The following RASSF4 variants were observed in gnomAD, a reference collection of about 807,000 sequenced individuals.
The protein encoded by RASSF4 is ras association domain-containing protein 4.
A neutral mutation model predicts 41.1 loss-of-function variants in RASSF4; 38 were observed. That is an observed-to-expected ratio of 0.92 (90% CI 0.71 to 1.21). RASSF4 has a LOEUF of 1.21. Ranked by LOEUF, RASSF4 falls within the 50% of genes most tolerant of loss-of-function variation. The pLI is 0.00. For synonymous variants in RASSF4, 179 were observed against 163.4 expected (o/e 1.10, Z -0.73); for missense variants, 414 against 419.4 (o/e 0.99, Z 0.11).
chr10:44,985,685 G>A (rs1388156648), intron 6 of RASSF4, among the ~76,000 whole-genome samples: 1 of 152,152 alleles, frequency 6.6e-6, no homozygotes, highest in African/African-American at 2.4e-5. Flanking sequence ...AGGGTCTCAG[G>A]GTCCGATCTG....
chr10:44,982,238 C>G (rs543059564), intron 3 of RASSF4: 68 of 475,852 alleles, frequency 1.4e-4, no homozygotes, highest in African/African-American at 1.2e-3. Context: ...GTGGACGTGC[C>G]TGCCGGCCAG....
chr10:44,988,991 C>A (rs1386368154), intron 6 of RASSF4, among the ~76,000 whole-genome samples: 1 of 152,198 alleles, frequency 6.6e-6, no homozygotes, highest in Non-Finnish European at 1.5e-5. Context: ...GATTCCCCCA[C>A]CCTTGTGAAT....
intron 6 of RASSF4, among the ~76,000 whole-genome samples, chr10:44,985,406 CT>C (rs1841887908): frequency 6.6e-6 from 1 of 152,236 alleles, no homozygotes; most frequent in South Asian, 2.1e-4. Context: ...AGCACACAGC[CT>C]TTTGTCCAAG....
chr10:44,989,522 G>A (rs1258534605), intron 7 of RASSF4, 147 bp downstream of exon 7: 23 of 967,888 alleles, frequency 2.4e-5, no homozygotes, highest in East Asian at 2.0e-4. Context: ...TTGGTTTCTC[G>A]GATTTCAAGC....
chr10:44,969,474 G>A (rs1029280770), intron 1 of RASSF4, among the ~76,000 whole-genome samples: 3 of 152,160 alleles, frequency 2.0e-5, no homozygotes, highest in African/African-American at 2.4e-5. Context: ...GTCACTGCCC[G>A]TGATCAATAT....
intron 6 of RASSF4, among the ~76,000 whole-genome samples, chr10:44,987,036 T>C (rs1221462293): frequency 6.6e-6 from 1 of 152,242 alleles, no homozygotes; most frequent in Admixed American, 6.5e-5. Flanking sequence ...AAAGGCTTCG[T>C]GCAGAAGAAA....
chr10:44,980,475 GCACA>G (rs1841661955), intron 3 of RASSF4, among the ~76,000 whole-genome samples: 1 of 152,164 alleles, frequency 6.6e-6, no homozygotes, highest in African/African-American at 2.4e-5. Flanking sequence ...TATGCTGGGG[GCACA>G]CACATCACCT....
At chr10:44,965,881 T>C (rs1840883971) in intron 1 of RASSF4, among the ~76,000 whole-genome samples, 1 of 152,184 alleles carries the variant, frequency 6.6e-6, no homozygotes, top group Non-Finnish European at 1.5e-5. Context: ...GCTGGTGCCA[T>C]TCAGTCATGG....
At chr10:44,984,992 T>TC (rs758885351) in intron 6 of RASSF4, 22 bp downstream of exon 6, 33 of 1,598,728 alleles carry the variant, frequency 2.1e-5, no homozygotes, top group Non-Finnish European at 2.6e-5. Context: ...GCCTGGCCTC[T>TC]CCCCTGGGCG....
At chr10:44,977,272 G>C in intron 3 of RASSF4, 1 of 1,322,104 alleles carries the variant, frequency 7.6e-7, no homozygotes, top group Non-Finnish European at 1.0e-6. Context: ...CCCAAGCAGG[G>C]GCCTCTGCAG....
chr10:44,982,974 C>A lies in RASSF4; in HGVS notation c.281+311C>A, dbSNP rs1011219231. On this transcript the variant is annotated intron_variant, in intron 4 of 10. Coordinates refer to ENST00000340258, the MANE Select transcript of RASSF4 (RefSeq NM_032023.4). ...GCTCCCAACACCTATGCAAGCCGAA[C>A]ATGTCTCGCCATCTCTTGTTCTATC... 4.7e-6 allele frequency: 3 copies of A among 632,414 alleles called. No individual in the cohort carries two copies. The African/African-American group carries it at 5.4e-5, about 11-fold the overall frequency. The allele number at this position is 632,414 out of a possible 1,614,324, so 39.2% of individuals were successfully genotyped here.
chr10:44,974,565 C>G (rs564792262), intron 3 of RASSF4, among the ~76,000 whole-genome samples: 19 of 152,316 alleles, frequency 1.2e-4, no homozygotes, highest in African/African-American at 4.3e-4. Context: ...CTAAGGGGCT[C>G]TCAGGCTGGC....
chr10:44,977,777 A>C, intron 3 of RASSF4: 1 of 1,601,102 alleles, frequency 6.2e-7, no homozygotes, highest in Non-Finnish European at 8.5e-7. Flanking sequence ...ACGTGCGGTG[A>C]TGTCTCGCAG....
chr10:44,970,843 G>T (rs1438978617), intron 2 of RASSF4: 2 of 155,162 alleles, frequency 1.3e-5, no homozygotes, highest in African/African-American at 4.8e-5. Context: ...GAAAGCAGGA[G>T]CAAGAGAGAG....
At chr10:44,969,207 T>TG (rs1230338826) in intron 1 of RASSF4, among the ~76,000 whole-genome samples, 4 of 151,402 alleles carry the variant, frequency 2.6e-5, no homozygotes, top group Admixed American at 6.6e-5. Context: ...CACATTGACA[T>TG]GGGGGAGAGA....
At position 44,993,517 on chromosome 10, in the gene RASSF4, C is replaced by G; in HGVS notation, c.*188C>G. 1.7e-6 allele frequency: 1 copy of G among 601,200 alleles called. No individual in the cohort carries two copies. The highest frequency in any genetic ancestry group is 1.9e-5 in the South Asian group (1 of 51,850). The allele number at this position is 601,200 out of a possible 1,614,324, so 37.2% of individuals were successfully genotyped here. A position where few individuals can be genotyped will look rare whatever the true frequency, so the allele number is the denominator to read the frequency against. On this transcript the variant is annotated 3_prime_UTR_variant, in exon 11 of 11. Coordinates refer to ENST00000340258, the MANE Select transcript of RASSF4 (RefSeq NM_032023.4). Reference sequence around the variant, plus strand: ...CAGCTCTTGGCTCCAAGATGAGCACCCACAGGAAGCCGACCCAGGCCTGAG... The same window carrying G: ...CAGCTCTTGGCTCCAAGATGAGCACGCACAGGAAGCCGACCCAGGCCTGAG...
At chr10:44,977,150 GT>G (rs1841467236) in intron 3 of RASSF4, 2 of 449,302 alleles carry the variant, frequency 4.5e-6, no homozygotes, top group Non-Finnish European at 7.8e-6. Flanking sequence ...TGTTAAGTAA[GT>G]TGCTCAAGGT....
chr10:44,968,287 G>C (rs763013199), intron 1 of RASSF4, among the ~76,000 whole-genome samples: 12 of 152,178 alleles, frequency 7.9e-5, no homozygotes, highest in Non-Finnish European at 1.3e-4. Context: ...GAGGGGGGCA[G>C]ATCACTTTTT....
Position 44,993,258 on chromosome 10 carries a change from T to C in RASSF4, c.906-11T>C. ...GCCTCAGTGAGTCCTCTTGGCGATGTCTCCCTCCAGGTTCCAAGCCCTGCG... is the reference window on the plus strand; with the variant it reads ...GCCTCAGTGAGTCCTCTTGGCGATGCCTCCCTCCAGGTTCCAAGCCCTGCG... On this transcript the variant is annotated splice_polypyrimidine_tract_variant and intron_variant, in intron 10 of 10. Coordinates refer to ENST00000340258, the MANE Select transcript of RASSF4 (RefSeq NM_032023.4). 1 of 1,609,628 alleles carries C rather than the reference T, an allele frequency of 6.2e-7. No individual in the cohort carries two copies. The highest frequency in any genetic ancestry group is 8.5e-7 in the Non-Finnish European group (1 of 1,179,258).
Sources: allele counts gnomAD v4.1 joint callset (sites outside exome capture counted in the v4.1 genomes callset), GRCh38; gene constraint gnomAD v4.1.1; transcripts MANE v1.5; gene names NCBI Gene and HGNC (gene_info 2026-07-23, HGNC 2026-07-21).